NFIB: variants seen among roughly 807,000 people sequenced by gnomAD.
The protein encoded by NFIB is nuclear factor 1 B-type.
Under a neutral mutation model 61.5 loss-of-function variants are expected in NFIB, and 11 were observed. The ratio of observed to expected loss-of-function variants is 0.18; its 90% CI spans 0.11 to 0.30. The LOEUF is 0.30. Among genes scored for constraint, NFIB ranks in the 10% least tolerant of loss-of-function variants. The probability of loss-of-function intolerance (pLI) is 1.00; values close to 1 mark genes in which losing one functional copy is unlikely to be tolerated. For synonymous variants in NFIB, 260 were observed against 216.5 expected, an observed-to-expected ratio of 1.20 and a Z score of -1.76; for missense variants, 471 against 608.9, an observed-to-expected ratio of 0.77 and a Z score of 2.38.
At chr9:14,187,242 GTTGTTTGT>G (rs111386873) in intron 2 of NFIB, among the ~76,000 whole-genome samples, 1 of 140,250 alleles carries the variant, frequency 7.1e-6, no homozygotes, top group Admixed American at 6.8e-5. Flanking sequence ...GATCTTGTTT[GTTGTTTGT>G]TTGTTTGTTT....
At chr9:14,296,518 C>A (rs1373503465) in intron 2 of NFIB, among the ~76,000 whole-genome samples, 2 of 152,186 alleles carry the variant, frequency 1.3e-5, no homozygotes, top group Non-Finnish European at 2.9e-5. Flanking sequence ...GGAGGTGGGG[C>A]CTTTGGGAGA....
At chr9:14,100,107 A>G (rs759523277) in intron 10 of NFIB, among the ~76,000 whole-genome samples, 3 of 152,050 alleles carry the variant, frequency 2.0e-5, no homozygotes, top group Non-Finnish European at 1.5e-5. Context: ...AAACCAAGAT[A>G]CCTTTTAAAG....
At chr9:14,487,468 G>T in the NFIB span, among the ~76,000 whole-genome samples, 2 of 152,208 alleles carry the variant, frequency 1.3e-5, no homozygotes, top group African/African-American at 2.4e-5. Flanking sequence ...GCACACTCAA[G>T]CTTGTGGAGC....
At chr9:14,521,178 A>T in the NFIB span, among the ~76,000 whole-genome samples, 2 of 152,236 alleles carry the variant, frequency 1.3e-5, no homozygotes, top group African/African-American at 4.8e-5. Flanking sequence ...ATTTCTTGAA[A>T]GGAGATTGAA....
intron 10 of NFIB, among the ~76,000 whole-genome samples, chr9:14,102,867 T>C (rs1349902618): frequency 1.3e-5 from 2 of 152,194 alleles, no homozygotes; most frequent in African/African-American, 4.8e-5. Flanking sequence ...AATGCTTTTT[T>C]TCTATGCATC....
the NFIB span, among the ~76,000 whole-genome samples, chr9:14,510,279 TAG>T: frequency 6.6e-6 from 1 of 152,126 alleles, no homozygotes; most frequent in Non-Finnish European, 1.5e-5. Context: ...AGAACTCTGA[TAG>T]AGAAAAAGCA....
At chr9:14,340,756 T>G (rs1394166882) in intron 1 of NFIB, among the ~76,000 whole-genome samples, 1 of 152,230 alleles carries the variant, frequency 6.6e-6, no homozygotes, top group Non-Finnish European at 1.5e-5. Flanking sequence ...TATTTATGCC[T>G]GGCATTTTTT....
intron 10 of NFIB, among the ~76,000 whole-genome samples, chr9:14,099,188 C>T (rs975946219): frequency 3.3e-5 from 5 of 152,164 alleles, no homozygotes; most frequent in African/African-American, 7.2e-5. Flanking sequence ...TTGCTTTGTC[C>T]TTTTCTACAA....
chr9:14,310,726 T>TTGATGTTCAGTAATCAATGTTA (rs1170667179), intron 1 of NFIB, among the ~76,000 whole-genome samples: 1 of 152,176 alleles, frequency 6.6e-6, no homozygotes, highest in Non-Finnish European at 1.5e-5. Context: ...TTTAGTAAAA[T>TTGATGTTCAGTAATCAATGTTA]GCATTGATGT....
the NFIB span, among the ~76,000 whole-genome samples, chr9:14,483,300 CAT>C: frequency 6.6e-6 from 1 of 152,176 alleles, no homozygotes; most frequent in Admixed American, 6.5e-5. Context: ...TACCACATCA[CAT>C]ATTTCATTGC....
At chr9:14,316,283 A>G (rs1277019193), upstream of NFIB, among the ~76,000 whole-genome samples, 1 of 152,224 alleles carries the variant, frequency 6.6e-6, no homozygotes, top group East Asian at 1.9e-4. Flanking sequence ...TAATGAGGCG[A>G]GCTTGCCAAG....
chr9:14,174,706 G>A lies in NFIB; in HGVS notation c.616+5021C>T, dbSNP rs2045952675. ...TGCTTGAACCCGGGAGGCAGAGGTT[G>A]CAGTGAGCCGAGATCACGCCACTGC... On this transcript the variant is annotated intron_variant, in intron 3 of 10. Transcript: ENST00000380953. 2.7e-5 allele frequency among the ~76,000 whole-genome samples: 4 copies of A among 149,842 alleles called. No individual in the cohort carries two copies. In the South Asian group the frequency reaches 8.4e-4, roughly 32 times the overall value.
chr9:14,460,009 C>T, the NFIB span, among the ~76,000 whole-genome samples: 4 of 152,058 alleles, frequency 2.6e-5, no homozygotes, highest in African/African-American at 9.7e-5. Context: ...CCAGCCATCC[C>T]ATTACTGAGT....
chr9:14,104,001 T>C (rs1018516328), intron 10 of NFIB, among the ~76,000 whole-genome samples: 8 of 152,036 alleles, frequency 5.3e-5, no homozygotes, highest in African/African-American at 1.9e-4. Context: ...CACTGCAACC[T>C]TCACCTCCCA....
chr9:14,293,968 C>T (rs2059262712), intron 2 of NFIB, among the ~76,000 whole-genome samples: 1 of 152,188 alleles, frequency 6.6e-6, no homozygotes. Context: ...ATTCATATTG[C>T]TCAACAGTCC....
intron 6 of NFIB, among the ~76,000 whole-genome samples, chr9:14,135,473 C>G (rs574427939): frequency 1.6e-4 from 24 of 152,164 alleles, no homozygotes; most frequent in Admixed American, 5.2e-4. Context: ...ATCTAAATAT[C>G]TGTGTCTAAG....
the NFIB span, among the ~76,000 whole-genome samples, chr9:14,410,874 C>T: frequency 6.6e-6 from 1 of 152,186 alleles, no homozygotes; most frequent in Non-Finnish European, 1.5e-5. Context: ...ATTTCCTTCT[C>T]ATTTCTATTG....
chr9:14,346,158 C>G (rs2061016385), intron 1 of NFIB, among the ~76,000 whole-genome samples: 1 of 152,134 alleles, frequency 6.6e-6, no homozygotes, highest in Non-Finnish European at 1.5e-5. Flanking sequence ...CGTGTTCACC[C>G]CAGCACTGGA....
intron 2 of NFIB, chr9:14,204,926 G>A (rs879893491): frequency 6.7e-5 from 24 of 356,192 alleles, no homozygotes; most frequent in African/African-American, 4.2e-5. Flanking sequence ...CAATTACAAC[G>A]ACAGAGCCAA....
Sources: allele counts gnomAD v4.1 joint callset (sites outside exome capture counted in the v4.1 genomes callset), GRCh38; gene constraint gnomAD v4.1.1; transcripts MANE v1.5; gene names NCBI Gene and HGNC (gene_info 2026-07-23, HGNC 2026-07-21).